The following KIF13A variants were observed in gnomAD, a reference collection of about 807,000 sequenced individuals.
The protein encoded by KIF13A is kinesin-like protein KIF13A.
A neutral mutation model predicts 212.2 loss-of-function variants in KIF13A; 79 were observed. That is an observed-to-expected ratio of 0.37 (90% CI 0.31 to 0.45). The LOEUF is 0.45. KIF13A is among the 20% of genes least tolerant of loss of function. The pLI is 1.00. For synonymous variants in KIF13A, 789 were observed against 808.6 expected, an observed-to-expected ratio of 0.98 and a Z score of 0.41; for missense variants, 1,901 against 2,209.0, an observed-to-expected ratio of 0.86 and a Z score of 2.79.
Position 17,781,302 on chromosome 6 carries a change from C to A in KIF13A, c.3545-1G>T. The A allele has an allele frequency of 6.3e-7, 1 of 1,592,098 alleles. No homozygotes were observed. ...TGCTCATTGGCACTGAGGTCATCCGCTAACCACATCAGGAGCACAGAAAAA... is the reference window on the plus strand; with the variant it reads ...TGCTCATTGGCACTGAGGTCATCCGATAACCACATCAGGAGCACAGAAAAA... On this transcript the variant is annotated splice_acceptor_variant, in intron 29 of 38. Coordinates refer to ENST00000259711, the MANE Select transcript of KIF13A (RefSeq NM_022113.6). LOFTEE classifies it high-confidence loss of function.
intron 17 of KIF13A, among the ~76,000 whole-genome samples, chr6:17,815,992 T>C (rs922549626): frequency 4.6e-5 from 7 of 151,248 alleles, no homozygotes; most frequent in Admixed American, 1.3e-4. Flanking sequence ...ACTGTAACCA[T>C]TGCCTCCTGG....
intron 2 of KIF13A, among the ~76,000 whole-genome samples, chr6:17,925,060 C>A (rs1330002384): frequency 6.6e-6 from 1 of 152,186 alleles, no homozygotes; most frequent in Non-Finnish European, 1.5e-5. Context: ...TCTAAACACG[C>A]TCCCCCAAAA....
chr6:17,947,125 GTT>G lies in KIF13A; in HGVS notation c.146+39927_146+39928del. ...AAAACCAGGCAAATATAATATTAAA[GTT>G]GTTAAATTATAAAGAAAACTAAGGA... On this transcript the variant is annotated intron_variant, in intron 2 of 38. Transcript: ENST00000259711. The surrounding 1 kb of genome is among the most constrained non-coding windows in gnomAD (Gnocchi z 4.6). 6.6e-6 allele frequency among the ~76,000 whole-genome samples: 1 copy of G among 152,084 alleles called. No homozygotes were observed. Among genetic ancestry groups the G allele is most frequent in the South Asian group, 2.1e-4 (1 of 4,828 alleles).
At position 17,799,904 on chromosome 6, in the gene KIF13A, T is replaced by C; in HGVS notation, c.2616+48A>G. ...CATAAGATTTTTTGTAAAATGGTTT[T>C]GCATGAAAAAGGTCATTTATATGAG... is the stretch of plus-strand genomic sequence containing the variant. On this transcript the variant is annotated intron_variant, in intron 21 of 38. Coordinates refer to ENST00000259711, the MANE Select transcript of KIF13A (RefSeq NM_022113.6). This position sits in a 1 kb window ranked among gnomAD's most constrained non-coding sequence, Gnocchi z 4.4. 1 of 1,570,264 alleles carries C rather than the reference T, an allele frequency of 6.4e-7. No homozygotes were observed. The highest frequency in any genetic ancestry group is 8.6e-7 in the Non-Finnish European group (1 of 1,160,568).
chr6:17,890,091 G>A lies in KIF13A; in HGVS notation c.159+8077C>T, dbSNP rs558216846. On this transcript the variant is annotated intron_variant, in intron 3 of 38. Transcript: ENST00000259711. ...TAATCCCAGCTACTCAGGAGGCTGA[G>A]GCAGGAGAATTGCTTGAACTTGGGA... Among the ~76,000 whole-genome samples the A allele has an allele frequency of 3.9e-5, 6 of 151,932 alleles. No homozygotes were observed. In the East Asian group the frequency reaches 9.7e-4, roughly 25 times the overall value.
In KIF13A at chr6:17,796,781, T is replaced by C; in HGVS notation, c.2830A>G (p.Ile944Val). The C allele has an allele frequency of 6.3e-7, 1 of 1,577,808 alleles. No individual in the cohort carries two copies. The highest frequency in any genetic ancestry group is 8.6e-7 in the Non-Finnish European group (1 of 1,159,752). Residue 944 changes from isoleucine (I) to valine (V), a missense_variant, in exon 23 of 39, where the codon ATT (isoleucine) becomes GTT (valine). Ile to Val is a conservative substitution (Grantham distance 29, BLOSUM62 3). Transcript: ENST00000259711. Reference protein sequence around the residue: ...VNVTEEFLEFISDGALAIEVW... With the variant: ...VNVTEEFLEFVSDGALAIEVW... Reference sequence around the variant, plus strand: ...TCAATGGCCAGTGCTCCATCTGAAATGAACTCCAGAAATTCTTCTGTTACA... The same window carrying C: ...TCAATGGCCAGTGCTCCATCTGAAACGAACTCCAGAAATTCTTCTGTTACA...
At chr6:17,817,367 G>A in intron 16 of KIF13A, 134 bp from the exon 17 acceptor site, 1 of 697,266 alleles carries the variant, frequency 1.4e-6, no homozygotes, top group Non-Finnish European at 2.5e-6. Context: ...TGAGAGGCCT[G>A]AGGGGCCACA....
intron 28 of KIF13A, among the ~76,000 whole-genome samples, chr6:17,784,410 C>A (rs1760869441): frequency 6.6e-6 from 1 of 152,020 alleles, no homozygotes. Context: ...CAGAATGAGA[C>A]CCTGTCTCAA....
intron 2 of KIF13A, among the ~76,000 whole-genome samples, chr6:17,979,517 TG>T (rs550287240): frequency 5.9e-4 from 90 of 152,278 alleles, no homozygotes; most frequent in African/African-American, 2.0e-3. Flanking sequence ...TTTTGGTGTG[TG>T]GGGCATTCTT....
rs563258339 is a variant in KIF13A at position 17,780,968 on chromosome 6, C to T, written c.3670-62G>A. ...ACAAAAGTCAGATGTAGCAGTTTTA[C>T]AGGACATACAAGAGAAAGAAAATAA... On this transcript the variant is annotated intron_variant, in intron 30 of 38. Transcript: ENST00000259711. The T allele has an allele frequency of 1.3e-5, 19 of 1,479,554 alleles. No homozygotes were observed. In the East Asian group the frequency reaches 3.4e-4, roughly 27 times the overall value. The allele number at this position is 1,479,554 out of a possible 1,614,324, so 91.7% of individuals were successfully genotyped here.
At chr6:17,770,799 G>A in intron 38 of KIF13A, 8 of 998,138 alleles carry the variant, frequency 8.0e-6, no homozygotes, top group Non-Finnish European at 9.9e-6. Flanking sequence ...TAGGCAATAT[G>A]TATAGGCACA....
rs1768100871 is a variant in KIF13A at position 17,855,962 on chromosome 6, C to G, written c.313+68G>C. ...CTGGGCTCAGGAGATCCTCCCACCC[C>G]AGCCTCACCAAGTCCTGGGATTATA... On this transcript the variant is annotated intron_variant, in intron 5 of 38. Transcript: ENST00000259711. The surrounding 1 kb of genome is among the most constrained non-coding windows in gnomAD (Gnocchi z 4.1). 9.0e-7 allele frequency: 1 copy of G among 1,110,034 alleles called. No individual in the cohort carries two copies. The highest frequency in any genetic ancestry group is 1.4e-6 in the Non-Finnish European group (1 of 738,188). 68.8% of individuals were successfully genotyped at this position (1,110,034 alleles called of 1,614,324 possible). A position where few individuals can be genotyped will look rare whatever the true frequency, so the allele number is the denominator to read the frequency against.
At chr6:17,937,178 T>C (rs745959782) in intron 2 of KIF13A, among the ~76,000 whole-genome samples, 5 of 152,158 alleles carry the variant, frequency 3.3e-5, no homozygotes, top group Admixed American at 6.5e-5. Context: ...ACCCTGTCTA[T>C]ACATATATAC....
chr6:17,788,150 A>AT (rs895184367), intron 26 of KIF13A, among the ~76,000 whole-genome samples: 28 of 152,126 alleles, frequency 1.8e-4, no homozygotes, highest in South Asian at 4.2e-4. Flanking sequence ...CAGCTGTCAG[A>AT]TTTTTTTTAC....
chr6:17,881,989 C>T (rs1383834984), intron 3 of KIF13A: 1 of 456,214 alleles, frequency 2.2e-6, no homozygotes, highest in East Asian at 6.9e-5. Flanking sequence ...GAGCAAGACT[C>T]TGTCTCAAAA....
chr6:17,798,441 C>T (rs1762223267), intron 22 of KIF13A, among the ~76,000 whole-genome samples: 1 of 152,136 alleles, frequency 6.6e-6, no homozygotes, highest in Non-Finnish European at 1.5e-5. Context: ...GAGGAACAGA[C>T]TTGTTGAATA....
intron 2 of KIF13A, among the ~76,000 whole-genome samples, chr6:17,962,081 CT>C (rs1436661761): frequency 6.6e-6 from 1 of 151,998 alleles, no homozygotes; most frequent in Non-Finnish European, 1.5e-5. Context: ...AGTCCCAGCA[CT>C]TTAGGAGGCC....
chr6:17,881,445 A>G (rs992738161), intron 3 of KIF13A: 37 of 234,414 alleles, frequency 1.6e-4, no homozygotes, highest in African/African-American at 7.8e-4. Flanking sequence ...TTTACAGTTA[A>G]AAAAAAAAAA....
chr6:17,941,670 C>T (rs1345241491), intron 2 of KIF13A, among the ~76,000 whole-genome samples: 2 of 152,022 alleles, frequency 1.3e-5, no homozygotes, highest in Admixed American at 6.5e-5. Context: ...ACCTTGATCT[C>T]GGACTTCCAG....
Sources: gnomAD v4.1 joint callset for allele counts (sites outside exome capture counted in the v4.1 genomes callset) on GRCh38, gnomAD v4.1.1 for gene constraint, Gnocchi (gnomAD v3.1) non-coding constraint, MANE v1.5 for transcripts, NCBI Gene and HGNC (gene_info 2026-07-23, HGNC 2026-07-21) for gene names.